Variants in GMDS observed in about 807,000 individuals in gnomAD.
GMDS encodes GDP-mannose 4,6 dehydratase.
Under a neutral mutation model 49.9 loss-of-function variants are expected in GMDS, and 20 were observed. The ratio of observed to expected loss-of-function variants is 0.40; its 90% CI spans 0.28 to 0.58. GMDS has a LOEUF of 0.58. Ranked by LOEUF, GMDS falls within the 20% of genes least tolerant of loss-of-function variation. The probability of loss-of-function intolerance (pLI) is 0.42; values close to 1 mark genes in which losing one functional copy is unlikely to be tolerated. For missense variants in GMDS, 362 were observed against 481.4 expected, an observed-to-expected ratio of 0.75 and a Z score of 2.32; for synonymous variants, 177 against 178.6, an observed-to-expected ratio of 0.99 and a Z score of 0.07.
At chr6:1,939,584 C>T (rs2761231) in intron 6 of GMDS, among the ~76,000 whole-genome samples, 63,049 of 145,122 alleles carry the variant, frequency 0.43, 13,509 homozygotes, top group East Asian at 0.54. Context: ...CATATATATA[C>T]ACACACACAC....
At chr6:2,043,184 C>CA (rs764807284) in intron 4 of GMDS, among the ~76,000 whole-genome samples, 1 of 152,206 alleles carries the variant, frequency 6.6e-6, no homozygotes, top group Admixed American at 6.5e-5. Context: ...CTGTCCTCTG[C>CA]AGCTAGCTTA....
At chr6:2,040,187 C>T (rs1026899333) in intron 4 of GMDS, among the ~76,000 whole-genome samples, 2 of 152,216 alleles carry the variant, frequency 1.3e-5, no homozygotes, top group Admixed American at 6.5e-5. Flanking sequence ...CACCCTTGTA[C>T]CTCTCTACAA....
At chr6:2,128,837 G>A (rs1007536917) in intron 1 of GMDS, among the ~76,000 whole-genome samples, 1 of 152,238 alleles carries the variant, frequency 6.6e-6, no homozygotes, top group Non-Finnish European at 1.5e-5. Context: ...GAGCTCAGAG[G>A]AGGGAGAAAG....
At chr6:1,706,242 CTGA>C (rs1225601309) in intron 9 of GMDS, among the ~76,000 whole-genome samples, 1 of 152,126 alleles carries the variant, frequency 6.6e-6, no homozygotes, top group Non-Finnish European at 1.5e-5. Context: ...CGCGGCACAG[CTGA>C]TGATTCTGAG....
chr6:1,662,093 C>T (rs115445583), intron 9 of GMDS, among the ~76,000 whole-genome samples: 35 of 151,730 alleles, frequency 2.3e-4, no homozygotes, highest in Non-Finnish European at 4.3e-4. Context: ...AGGCATTGTG[C>T]GGGACTGGGA....
chr6:1,661,259 T>C (rs1055907704), intron 9 of GMDS, among the ~76,000 whole-genome samples: 60 of 152,278 alleles, frequency 3.9e-4, no homozygotes, highest in Middle Eastern at 6.8e-3. Flanking sequence ...CCTGAGTGGA[T>C]TGCACAGCAG....
chr6:2,030,768 T>C (rs1455807134), intron 4 of GMDS, among the ~76,000 whole-genome samples: 1 of 152,152 alleles, frequency 6.6e-6, no homozygotes, highest in African/African-American at 2.4e-5. Flanking sequence ...AGTAAAACTG[T>C]TATAAAGTGG....
chr6:2,030,227 G>T (rs1768868434), intron 4 of GMDS, among the ~76,000 whole-genome samples: 1 of 152,168 alleles, frequency 6.6e-6, no homozygotes, highest in South Asian at 2.1e-4. Context: ...AATTAAAAGT[G>T]GACAAAGATA....
intron 9 of GMDS, among the ~76,000 whole-genome samples, chr6:1,693,755 T>A (rs1161191157): frequency 6.6e-6 from 1 of 152,164 alleles, no homozygotes; most frequent in African/African-American, 2.4e-5. Context: ...GAAAATAAAA[T>A]GGCAAAGATA....
intron 1 of GMDS, among the ~76,000 whole-genome samples, chr6:2,193,655 G>A (rs1779151315): frequency 6.6e-6 from 1 of 151,864 alleles, no homozygotes; most frequent in Non-Finnish European, 1.5e-5. Context: ...GGATTGTAAA[G>A]GTGGCAAATA....
chr6:1,850,965 C>T (rs775329422), intron 7 of GMDS, among the ~76,000 whole-genome samples: 7 of 152,154 alleles, frequency 4.6e-5, no homozygotes, highest in East Asian at 1.9e-4. Context: ...CCATGCAAAC[C>T]GCAGAACACC....
At chr6:2,086,426 G>C (rs919858170) in intron 4 of GMDS, among the ~76,000 whole-genome samples, 2 of 152,150 alleles carry the variant, frequency 1.3e-5, no homozygotes, top group Non-Finnish European at 2.9e-5. Context: ...ACGATACAGA[G>C]AGCTACTCTG....
chr6:1,959,794 C>T (rs1763838432), intron 6 of GMDS, 73 bp downstream of exon 6: 3 of 855,438 alleles, frequency 3.5e-6, no homozygotes, highest in Admixed American at 2.3e-5. Flanking sequence ...GTAGTACATA[C>T]ACCAAATAGA....
intron 7 of GMDS, among the ~76,000 whole-genome samples, chr6:1,850,646 C>T (rs1330723285): frequency 6.6e-6 from 1 of 152,130 alleles, no homozygotes; most frequent in African/African-American, 2.4e-5. Flanking sequence ...GGAACAGGGT[C>T]AAACGAGGGC....
intron 4 of GMDS, among the ~76,000 whole-genome samples, chr6:2,003,624 AAT>A (rs1766974154): frequency 6.6e-6 from 1 of 152,200 alleles, no homozygotes; most frequent in Admixed American, 6.5e-5. Flanking sequence ...CAATTTCCTT[AAT>A]CATAAAGTAT....
At chr6:1,804,012 C>T (rs1295170532) in intron 7 of GMDS, among the ~76,000 whole-genome samples, 2 of 152,086 alleles carry the variant, frequency 1.3e-5, no homozygotes, top group African/African-American at 4.8e-5. Flanking sequence ...TGCCAAAATC[C>T]TAGGGGTTTC....
chr6:1,732,971 C>T (rs945479475), intron 8 of GMDS, among the ~76,000 whole-genome samples: 15 of 152,290 alleles, frequency 9.8e-5, no homozygotes, highest in African/African-American at 2.6e-4. Flanking sequence ...GCAGAGAAAG[C>T]GAGACTGCAA....
chr6:2,216,497 G>A lies in GMDS; in HGVS notation c.102+28824C>T, dbSNP rs551770923. 7.2e-5 allele frequency among the ~76,000 whole-genome samples: 11 copies of A among 152,312 alleles called. No individual in the cohort carries two copies. In the East Asian group the frequency reaches 1.4e-3, roughly 19 times the overall value. On this transcript the variant is annotated intron_variant, in intron 1 of 10. Transcript: ENST00000380815. ...CATGGAGGTGTGTGCAGGTGTAAGC[G>A]TGTGTGAGCACGTGTGCACATGGGT... is the stretch of plus-strand genomic sequence containing the variant.
chr6:1,624,827 CTTTT>C (rs551321002), intron 9 of GMDS: 6,793 of 82,776 alleles, frequency 0.082, 160 homozygotes, highest in East Asian at 0.22. Context: ...GCTCTTAATG[CTTTT>C]TTTTTTTTTT....
Sources: gnomAD v4.1 joint callset for allele counts (sites outside exome capture counted in the v4.1 genomes callset) on GRCh38, gnomAD v4.1.1 for gene constraint, MANE v1.5 for transcripts, NCBI Gene and HGNC (gene_info 2026-07-23, HGNC 2026-07-21) for gene names.